ZNF385D: variants seen among roughly 807,000 people sequenced by gnomAD.
ZNF385D encodes zinc finger protein 659.
Under a neutral mutation model 35.8 loss-of-function variants are expected in ZNF385D, and 15 were observed. That is an observed-to-expected ratio of 0.42 (90% CI 0.28 to 0.64). ZNF385D has a LOEUF of 0.64. ZNF385D is among the 30% of genes least tolerant of loss of function. The pLI, the probability that ZNF385D is intolerant of heterozygous loss-of-function variation, is 0.23. For synonymous variants in ZNF385D, 212 were observed against 186.8 expected, an observed-to-expected ratio of 1.13 and a Z score of -1.10; for missense variants, 474 against 494.6, an observed-to-expected ratio of 0.96 and a Z score of 0.39.
chr3:22,362,382 A>G (rs1275767537), intron 2 of ZNF385D, among the ~76,000 whole-genome samples: 4 of 152,208 alleles, frequency 2.6e-5, no homozygotes, highest in South Asian at 2.1e-4. Context: ...ATTGTTACAG[A>G]TCCAACTGTT....
chr3:22,186,760 G>A (rs1052404173), intron 2 of ZNF385D, among the ~76,000 whole-genome samples: 1 of 151,946 alleles, frequency 6.6e-6, no homozygotes, highest in Non-Finnish European at 1.5e-5. Context: ...AATATGTCTT[G>A]TTCAAAAGAA....
intron 3 of ZNF385D, among the ~76,000 whole-genome samples, chr3:21,855,849 C>G (rs1392183870): frequency 6.7e-6 from 1 of 149,976 alleles, no homozygotes; most frequent in Non-Finnish European, 1.5e-5. Context: ...GTGGTGACAA[C>G]TATAATATCC....
At chr3:22,029,636 G>A (rs1697800076) in intron 3 of ZNF385D, among the ~76,000 whole-genome samples, 2 of 152,138 alleles carry the variant, frequency 1.3e-5, no homozygotes, top group Non-Finnish European at 1.5e-5. Context: ...CTAAGAAAAT[G>A]TCTTCCTTTT....
At chr3:21,688,701 A>G (rs2125336068) in intron 1 of ZNF385D, among the ~76,000 whole-genome samples, 1 of 152,288 alleles carries the variant, frequency 6.6e-6, no homozygotes, top group African/African-American at 2.4e-5. Flanking sequence ...TCTAATATGC[A>G]TTTAATTAAC....
At chr3:21,514,632 C>T (rs1458020575) in intron 3 of ZNF385D, among the ~76,000 whole-genome samples, 3 of 151,928 alleles carry the variant, frequency 2.0e-5, no homozygotes, top group African/African-American at 7.2e-5. Flanking sequence ...ATAGGACAAA[C>T]AGGGAGCTTT....
intron 2 of ZNF385D, among the ~76,000 whole-genome samples, chr3:22,335,753 ATCTT>A (rs1285441805): frequency 7.9e-5 from 12 of 152,138 alleles, no homozygotes; most frequent in Non-Finnish European, 1.3e-4. Context: ...ACTTTCTTCT[ATCTT>A]TATTTTCCAT....
chr3:22,211,551 G>A (rs941404997), intron 2 of ZNF385D, among the ~76,000 whole-genome samples: 2 of 151,954 alleles, frequency 1.3e-5, no homozygotes, highest in Non-Finnish European at 1.5e-5. Context: ...GGTGAACCAG[G>A]AGATGATACC....
At chr3:21,964,885 A>T (rs1702823598) in intron 3 of ZNF385D, among the ~76,000 whole-genome samples, 1 of 152,210 alleles carries the variant, frequency 6.6e-6, no homozygotes, top group South Asian at 2.1e-4. Context: ...TAGACAAATG[A>T]TATGAGACTG....
At chr3:22,143,962 G>A (rs1271674622) in intron 3 of ZNF385D, among the ~76,000 whole-genome samples, 4 of 152,000 alleles carry the variant, frequency 2.6e-5, no homozygotes, top group African/African-American at 9.7e-5. Context: ...TGTATAATAG[G>A]GGTTCAAAGT....
intron 3 of ZNF385D, among the ~76,000 whole-genome samples, chr3:21,966,031 T>C (rs1362885660): frequency 6.6e-6 from 1 of 152,182 alleles, no homozygotes; most frequent in Non-Finnish European, 1.5e-5. Flanking sequence ...AGTTTACAAG[T>C]ATTCATTTTC....
chr3:21,708,861 GCACACACACA>G (rs34469159), intron 1 of ZNF385D, among the ~76,000 whole-genome samples: 2 of 148,274 alleles, frequency 1.3e-5, no homozygotes, highest in African/African-American at 2.5e-5. Flanking sequence ...GTGTGGGCGT[GCACACACACA>G]CACACACACA....
At chr3:21,684,587 T>C (rs1485586002) in intron 1 of ZNF385D, among the ~76,000 whole-genome samples, 1 of 152,032 alleles carries the variant, frequency 6.6e-6, no homozygotes, top group Non-Finnish European at 1.5e-5. Context: ...TATTATAAAG[T>C]CACATTAATT....
intron 4 of ZNF385D, among the ~76,000 whole-genome samples, chr3:21,483,144 A>G (rs1704757345): frequency 6.6e-6 from 1 of 152,154 alleles, no homozygotes; most frequent in South Asian, 2.1e-4. Context: ...GTACTACCCC[A>G]TTAAAGTCAT....
intron 3 of ZNF385D, among the ~76,000 whole-genome samples, chr3:21,812,842 G>A (rs761843109): frequency 6.6e-6 from 1 of 152,190 alleles, no homozygotes; most frequent in Non-Finnish European, 1.5e-5. Context: ...TTTGAAGAGA[G>A]TAGTAGTTCT....
At chr3:21,856,686 T>A (rs965396019) in intron 3 of ZNF385D, among the ~76,000 whole-genome samples, 1 of 152,028 alleles carries the variant, frequency 6.6e-6, no homozygotes, top group South Asian at 2.1e-4. Flanking sequence ...GCCACCATCA[T>A]CTCTTGCCTG....
intron 2 of ZNF385D, among the ~76,000 whole-genome samples, chr3:22,350,463 TCTAA>T (rs1165642705): frequency 6.6e-6 from 1 of 152,102 alleles, no homozygotes; most frequent in African/African-American, 2.4e-5. Flanking sequence ...TGATCAAAGT[TCTAA>T]CTATGAGCAT....
intron 2 of ZNF385D, among the ~76,000 whole-genome samples, chr3:22,206,638 A>G (rs1697175346): frequency 6.6e-6 from 1 of 151,964 alleles, no homozygotes; most frequent in South Asian, 2.1e-4. Flanking sequence ...TGAGAACTAT[A>G]CAAATGAGTG....
intron 1 of ZNF385D, among the ~76,000 whole-genome samples, chr3:21,688,240 T>C (rs945113775): frequency 1.3e-5 from 2 of 152,210 alleles, no homozygotes; most frequent in African/African-American, 4.8e-5. Flanking sequence ...GGAATAATTG[T>C]ATATCTTAAA....
intron 2 of ZNF385D, among the ~76,000 whole-genome samples, chr3:22,326,622 C>T (rs1305772747): frequency 2.0e-5 from 3 of 152,090 alleles, no homozygotes; most frequent in Non-Finnish European, 2.9e-5. Context: ...GCATCTGTCT[C>T]AGGTGGGTGG....
Sources: allele counts gnomAD v4.1 joint callset (sites outside exome capture counted in the v4.1 genomes callset), GRCh38; gene constraint gnomAD v4.1.1; transcripts MANE v1.5; gene names NCBI Gene and HGNC (gene_info 2026-07-23, HGNC 2026-07-21).